The following MARCHF3 variants were observed in gnomAD, a reference collection of about 807,000 sequenced individuals.
The protein encoded by MARCHF3 is E3 ubiquitin-protein ligase MARCHF3.
Under a neutral mutation model 24.2 loss-of-function variants are expected in MARCHF3, and 13 were observed. That is an observed-to-expected ratio of 0.54 (90% CI 0.35 to 0.85). MARCHF3 has a LOEUF of 0.85. Among genes scored for constraint, MARCHF3 ranks in the 40% least tolerant of loss-of-function variants. The probability of loss-of-function intolerance (pLI) is 0.01; values close to 1 mark genes in which losing one functional copy is unlikely to be tolerated. For missense variants in MARCHF3, 276 were observed against 325.0 expected, an observed-to-expected ratio of 0.85 and a Z score of 1.16; for synonymous variants, 144 against 137.3, an observed-to-expected ratio of 1.05 and a Z score of -0.34.
intron 1 of MARCHF3, among the ~76,000 whole-genome samples, chr5:126,977,390 T>C (rs1207221826): frequency 1.3e-5 from 2 of 152,230 alleles, no homozygotes; most frequent in Non-Finnish European, 2.9e-5. Flanking sequence ...GTCCATTTTA[T>C]ATTCTTACCT....
At chr5:126,972,245 TAAAAA>T (rs747060453) in intron 1 of MARCHF3, among the ~76,000 whole-genome samples, 1 of 58,684 alleles carries the variant, frequency 1.7e-5, no homozygotes, top group African/African-American at 5.6e-5. Context: ...ATTAAAGAAC[TAAAAA>T]AAAAAAAAAA....
chr5:126,870,991 G>C (rs1245523394), intron 4 of MARCHF3, among the ~76,000 whole-genome samples, 200 bp from the exon 5 acceptor site: 1 of 152,210 alleles, frequency 6.6e-6, no homozygotes, highest in East Asian at 1.9e-4. Context: ...CCCTATGTGT[G>C]GACACATGGG....
At position 126,882,798 on chromosome 5, in the gene MARCHF3, C is replaced by T. The variant is rs183490847; in HGVS notation, c.394-4404G>A. Among the ~76,000 whole-genome samples the T allele has an allele frequency of 2.4e-4, 37 of 152,264 alleles. No individual in the cohort carries two copies. In the East Asian group the frequency reaches 3.1e-3, roughly 13 times the overall value. On this transcript the variant is annotated intron_variant, in intron 3 of 4. Transcript: ENST00000308660. ...ACTATATGCCAAGCACTATCTTATA[C>T]GCTACATCTAATAATTCATTTACTC...
intron 1 of MARCHF3, among the ~76,000 whole-genome samples, chr5:126,942,296 C>T (rs1314103454): frequency 1.3e-5 from 2 of 152,106 alleles, no homozygotes; most frequent in African/African-American, 4.8e-5. Flanking sequence ...GCTTGGCAGA[C>T]CAAACAGTCT....
chr5:126,983,046 C>T (rs764621494), intron 1 of MARCHF3, among the ~76,000 whole-genome samples: 3 of 152,060 alleles, frequency 2.0e-5, no homozygotes, highest in African/African-American at 4.8e-5. Flanking sequence ...GAAGCAGTGG[C>T]GCATGGAGGG....
rs139419085 is a variant in MARCHF3, at chr5:126,945,143, G to A, written c.-56-26916C>T. Among the ~76,000 whole-genome samples the A allele has an allele frequency of 1.0e-3, 159 of 152,260 alleles. 1 individual carries two copies. The highest frequency in any genetic ancestry group is 3.5e-3 in the African/African-American group (145 of 41,542). ...TACAGTGGTGTGCCACAGCCAGCTC[G>A]TACTGTCTCACTGATCTCTTCTCAG... On this transcript the variant is annotated intron_variant, in intron 1 of 4. Transcript: ENST00000308660.
intron 3 of MARCHF3, among the ~76,000 whole-genome samples, chr5:126,894,013 C>G (rs1753785387): frequency 7.3e-6 from 1 of 136,366 alleles, no homozygotes; most frequent in Non-Finnish European, 1.5e-5. Flanking sequence ...GTTAGCTCTT[C>G]TTGTTGAATT....
At chr5:126,964,766 G>C (rs888916975) in intron 1 of MARCHF3, among the ~76,000 whole-genome samples, 1 of 152,184 alleles carries the variant, frequency 6.6e-6, no homozygotes, top group Non-Finnish European at 1.5e-5. Context: ...CTGAAAAGAA[G>C]TAGGATGTTT....
intron 1 of MARCHF3, among the ~76,000 whole-genome samples, chr5:127,019,097 T>C (rs937198049): frequency 6.6e-6 from 1 of 152,254 alleles, no homozygotes; most frequent in Non-Finnish European, 1.5e-5. Context: ...TACACTTATT[T>C]AGTACAAATA....
chr5:126,889,283 C>T (rs967555994), intron 3 of MARCHF3, among the ~76,000 whole-genome samples: 1 of 151,848 alleles, frequency 6.6e-6, no homozygotes, highest in African/African-American at 2.4e-5. Flanking sequence ...CAAATAAGAG[C>T]CCCCACTGGA....
At chr5:126,884,716 T>A (rs946850949) in intron 3 of MARCHF3, among the ~76,000 whole-genome samples, 3 of 152,188 alleles carry the variant, frequency 2.0e-5, no homozygotes, top group African/African-American at 7.2e-5. Flanking sequence ...AACATACACC[T>A]GGAATCTGGC....
intron 1 of MARCHF3, among the ~76,000 whole-genome samples, chr5:126,934,369 T>A (rs1749570435): frequency 6.6e-6 from 1 of 152,128 alleles, no homozygotes; most frequent in South Asian, 2.1e-4. Context: ...AGAAATACAA[T>A]ATCTTCTATC....
intron 1 of MARCHF3, among the ~76,000 whole-genome samples, chr5:126,964,722 G>A (rs971488322): frequency 6.6e-6 from 1 of 152,232 alleles, no homozygotes; most frequent in African/African-American, 2.4e-5. Flanking sequence ...GGTCTGGTAA[G>A]TCTTCTGAGC....
chr5:126,985,543 C>T (rs1019290826), intron 1 of MARCHF3, among the ~76,000 whole-genome samples: 2 of 150,626 alleles, frequency 1.3e-5, no homozygotes, highest in African/African-American at 4.9e-5. Flanking sequence ...GATCTTGGCT[C>T]ACTGCAACCT....
chr5:126,873,423 A>G (rs78933475), intron 4 of MARCHF3, among the ~76,000 whole-genome samples: 7 of 152,020 alleles, frequency 4.6e-5, no homozygotes, highest in African/African-American at 7.2e-5. Flanking sequence ...AAAAAAAAAA[A>G]AGAGAGACAG....
At chr5:126,963,972 G>A (rs894528217) in intron 1 of MARCHF3, among the ~76,000 whole-genome samples, 4 of 152,162 alleles carry the variant, frequency 2.6e-5, no homozygotes, top group Non-Finnish European at 4.4e-5. Context: ...ACATTCACTA[G>A]TTCTGGTTAA....
rs556388969 is a variant in MARCHF3, at chr5:126,883,486, A to G, written c.394-5092T>C. Among the ~76,000 whole-genome samples the G allele has an allele frequency of 1.4e-3, 209 of 152,314 alleles. 1 individual carries two copies. Among genetic ancestry groups the G allele is most frequent in the African/African-American group, 4.6e-3 (192 of 41,556 alleles). On this transcript the variant is annotated intron_variant, in intron 3 of 4. Coordinates refer to ENST00000308660, the MANE Select transcript of MARCHF3 (RefSeq NM_178450.5). The stretch of plus-strand genomic sequence containing the variant: ...ATTCTTGGAAATAAGTACAATAAAT[A>G]AACAAACTAGAAACCCCACCGTAAT...
At chr5:126,927,345 CTT>C (rs1419301980) in intron 1 of MARCHF3, among the ~76,000 whole-genome samples, 4 of 152,204 alleles carry the variant, frequency 2.6e-5, no homozygotes, top group Admixed American at 2.0e-4. Context: ...GGGTCTCTCT[CTT>C]GGTGATGATA....
chr5:126,973,223 C>T (rs1751073736), intron 1 of MARCHF3, among the ~76,000 whole-genome samples: 1 of 152,240 alleles, frequency 6.6e-6, no homozygotes, highest in Non-Finnish European at 1.5e-5. Context: ...TTATGAATTC[C>T]AAACGCCCTT....
Sources: gnomAD v4.1 joint callset for allele counts (sites outside exome capture counted in the v4.1 genomes callset) on GRCh38, gnomAD v4.1.1 for gene constraint, MANE v1.5 for transcripts, NCBI Gene and HGNC (gene_info 2026-07-23, HGNC 2026-07-21) for gene names.